FAM135B: variants seen among roughly 807,000 people sequenced by gnomAD.
FAM135B encodes family with sequence similarity 135 member B, also known as protein FAM135B.
Under a neutral mutation model 127.7 loss-of-function variants are expected in FAM135B, and 43 were observed. The ratio of observed to expected loss-of-function variants is 0.34; its 90% CI spans 0.26 to 0.43. The LOEUF (loss-of-function observed/expected upper bound fraction) is 0.43. Among genes scored for constraint, FAM135B ranks in the 20% least tolerant of loss-of-function variants. The pLI, the probability that FAM135B is intolerant of heterozygous loss-of-function variation, is 1.00. For synonymous variants in FAM135B, 670 were observed against 665.1 expected (o/e 1.01, Z -0.11); for missense variants, 1,558 against 1,725.6 (o/e 0.90, Z 1.72).
At chr8:138,428,564 A>G (rs2131495469) in intron 1 of FAM135B, among the ~76,000 whole-genome samples, 1 of 152,250 alleles carries the variant, frequency 6.6e-6, no homozygotes, top group South Asian at 2.1e-4. Flanking sequence ...AGGTGTGTTA[A>G]TGGTAGCACA....
At chr8:138,155,361 T>C (rs1194651411) in intron 12 of FAM135B, among the ~76,000 whole-genome samples, 2 of 152,164 alleles carry the variant, frequency 1.3e-5, no homozygotes, top group East Asian at 1.9e-4. Context: ...GTAAAGACCA[T>C]CGATGCTGGG....
chr8:138,408,618 T>C (rs1421486792), intron 1 of FAM135B, among the ~76,000 whole-genome samples: 2 of 152,284 alleles, frequency 1.3e-5, no homozygotes, highest in Non-Finnish European at 2.9e-5. Context: ...CTCACAGTCT[T>C]GCATGGCTGG....
chr8:138,373,195 T>G (rs1831253735), intron 1 of FAM135B, among the ~76,000 whole-genome samples: 1 of 152,142 alleles, frequency 6.6e-6, no homozygotes, highest in Non-Finnish European at 1.5e-5. Context: ...TTGTGGGAAG[T>G]CAGGGACCCC....
intron 2 of FAM135B, among the ~76,000 whole-genome samples, chr8:138,360,618 C>A (rs1830360235): frequency 1.3e-5 from 2 of 152,208 alleles, no homozygotes; most frequent in African/African-American, 4.8e-5. Context: ...TTGGCCTGTG[C>A]AATCTTCACT....
intron 3 of FAM135B, among the ~76,000 whole-genome samples, chr8:138,292,157 A>T (rs577931482): frequency 6.6e-6 from 1 of 152,254 alleles, no homozygotes; most frequent in African/African-American, 2.4e-5. Context: ...CAATAAAGCA[A>T]TCCCATGTAT....
intron 12 of FAM135B, among the ~76,000 whole-genome samples, chr8:138,167,680 G>A (rs972777340): frequency 6.6e-6 from 1 of 152,120 alleles, no homozygotes; most frequent in Non-Finnish European, 1.5e-5. Context: ...AAGGAGTCAG[G>A]GAGGAAGTCT....
At chr8:138,318,136 T>C (rs191531610) in intron 2 of FAM135B, among the ~76,000 whole-genome samples, 19 of 152,336 alleles carry the variant, frequency 1.2e-4, no homozygotes, top group Non-Finnish European at 2.2e-4. Context: ...AAGCACTGTG[T>C]CAACAAGATA....
chr8:138,491,290 T>C (rs1815190015), intron 1 of FAM135B, among the ~76,000 whole-genome samples: 1 of 151,874 alleles, frequency 6.6e-6, no homozygotes, highest in South Asian at 2.1e-4. Flanking sequence ...ATGTCTAAAG[T>C]GACAAAGAAA....
intron 4 of FAM135B, among the ~76,000 whole-genome samples, chr8:138,260,332 T>C (rs1417281788): frequency 2.0e-5 from 3 of 152,206 alleles, no homozygotes; most frequent in Admixed American, 2.0e-4. Context: ...GCCCCTCAGC[T>C]GGACTGGCAG....
intron 3 of FAM135B, among the ~76,000 whole-genome samples, chr8:138,273,832 T>C (rs16908741): frequency 0.68 from 103,926 of 151,882 alleles, 35,719 homozygotes; most frequent in African/African-American, 0.76. Flanking sequence ...TGTAGAACCC[T>C]AGGTCATGGT....
intron 9 of FAM135B, among the ~76,000 whole-genome samples, chr8:138,183,328 ATAGT>A (rs139236320): frequency 2.4e-3 from 371 of 152,258 alleles, no homozygotes; most frequent in Non-Finnish European, 4.8e-3. Flanking sequence ...AAGATTACAG[ATAGT>A]AAGTGGGAGG....
chr8:138,408,011 G>A (rs1260484667), intron 1 of FAM135B, among the ~76,000 whole-genome samples: 2 of 152,192 alleles, frequency 1.3e-5, no homozygotes, highest in African/African-American at 2.4e-5. Context: ...TAGATGTGCT[G>A]TAATCCAGGC....
At chr8:138,180,932 T>C (rs1814962194) in intron 9 of FAM135B, among the ~76,000 whole-genome samples, 1 of 151,994 alleles carries the variant, frequency 6.6e-6, no homozygotes, top group South Asian at 2.1e-4. Flanking sequence ...CCATACATCA[T>C]GGTCAAAAGT....
At chr8:138,173,049 G>A (rs60328931) in intron 11 of FAM135B, among the ~76,000 whole-genome samples, 9,683 of 152,128 alleles carry the variant, frequency 0.064, 555 homozygotes, top group East Asian at 0.17. Context: ...CTAGGGGAGC[G>A]GGCTTTGCTT....
chr8:138,357,548 A>T (rs1052749134), intron 2 of FAM135B, among the ~76,000 whole-genome samples: 3 of 152,150 alleles, frequency 2.0e-5, no homozygotes, highest in Non-Finnish European at 4.4e-5. Context: ...ATGCATATTT[A>T]TGTAATCAGA....
intron 11 of FAM135B, among the ~76,000 whole-genome samples, chr8:138,173,582 C>T (rs940184421): frequency 2.6e-5 from 4 of 152,180 alleles, no homozygotes; most frequent in East Asian, 1.9e-4. Context: ...AAGCATGTAA[C>T]GCACTCAGTT....
chr8:138,326,292 G>T (rs145731305), intron 2 of FAM135B, among the ~76,000 whole-genome samples: 1 of 152,100 alleles, frequency 6.6e-6, no homozygotes, highest in Non-Finnish European at 1.5e-5. Context: ...CAGGTAAAAC[G>T]AAAGTTCCTT....
intron 12 of FAM135B, among the ~76,000 whole-genome samples, 169 bp from the exon 13 acceptor site, chr8:138,153,385 A>G (rs1463613493): frequency 6.6e-6 from 1 of 152,182 alleles, no homozygotes; most frequent in Admixed American, 6.5e-5. Context: ...GATGCAGAAG[A>G]CGGGTGATTT....
At chr8:138,438,901 A>G (rs1473926975) in intron 1 of FAM135B, 1 of 152,250 alleles carries the variant, frequency 6.6e-6, no homozygotes, top group Non-Finnish European at 1.5e-5. Context: ...TTCTTGACCT[A>G]AAATTGCCAT....
Sources: gnomAD v4.1 joint callset for allele counts (sites outside exome capture counted in the v4.1 genomes callset) on GRCh38, gnomAD v4.1.1 for gene constraint, MANE v1.5 for transcripts, NCBI Gene and HGNC (gene_info 2026-07-23, HGNC 2026-07-21) for gene names.